Variants in ANKRD36 observed in about 807,000 individuals in gnomAD.
ANKRD36 encodes the protein ankyrin repeat domain-containing protein 36A.
Under a neutral mutation model 278.1 loss-of-function variants are expected in ANKRD36, and 179 were observed. The observed-to-expected ratio is 0.64, with a 90% CI of 0.57 to 0.73. ANKRD36 has a LOEUF of 0.73. ANKRD36 is among the 30% of genes least tolerant of loss of function. ANKRD36 has a pLI of 0.00. For missense variants in ANKRD36, 1,159 were observed against 1,956.7 expected (o/e 0.59, Z 7.69); for synonymous variants, 320 against 641.1 (o/e 0.50, Z 7.57).
At chr2:97,136,144 C>T (rs557282825) in intron 6 of ANKRD36, among the ~76,000 whole-genome samples, 35 of 149,402 alleles carry the variant, frequency 2.3e-4, no homozygotes, top group African/African-American at 8.6e-4. Context: ...TTCAATTAAT[C>T]AGTCATGCCT....
intron 42 of ANKRD36, among the ~76,000 whole-genome samples, chr2:97,197,647 T>C (rs1222636947): frequency 6.6e-6 from 1 of 151,934 alleles, no homozygotes; most frequent in Non-Finnish European, 1.5e-5. Context: ...TGCATTGTAA[T>C]TAACTCCTAA....
intron 20 of ANKRD36, among the ~76,000 whole-genome samples, chr2:97,166,745 C>A (rs1031073287): frequency 1.3e-5 from 2 of 152,294 alleles, no homozygotes; most frequent in African/African-American, 4.8e-5. Context: ...GGACTCAATT[C>A]TTCTCTCTGT....
In ANKRD36 at chr2:97,209,797, C is replaced by T. The variant is rs1233377429; in HGVS notation, c.3295-3C>T. 1.2e-6 allele frequency: 2 copies of T among 1,600,650 alleles called. No individual in the cohort carries two copies. Among genetic ancestry groups the T allele is most frequent in the African/African-American group, 2.7e-5 (2 of 73,408 alleles). The stretch of plus-strand genomic sequence containing the variant: ...TTATTATTTCATTTCAAATTCCATT[C>T]AGGCTACAAGTGACGAGAAAGATTC... On this transcript the variant is annotated splice_polypyrimidine_tract_variant and splice_region_variant and intron_variant, in intron 55 of 75. Transcript: ENST00000420699.
chr2:97,146,580 G>T lies in ANKRD36; in HGVS notation c.1034+64G>T, dbSNP rs1303269352. On this transcript the variant is annotated intron_variant, in intron 11 of 75. Coordinates refer to ENST00000420699, the MANE Select transcript of ANKRD36 (RefSeq NM_001354587.1). ...TAGTTAATAGAGAGAATAGAAACTA[G>T]TATCCATTTAGTGTTCTCCTCTGTG... is the stretch of plus-strand genomic sequence containing the variant. 3 of 1,399,540 alleles carry T rather than the reference G, an allele frequency of 2.1e-6. No homozygotes were observed. The African/African-American group carries it at 4.4e-5, about 20-fold the overall frequency. The allele number at this position is 1,399,540 out of a possible 1,614,324, so 86.7% of individuals were successfully genotyped here.
intron 54 of ANKRD36, among the ~76,000 whole-genome samples, chr2:97,208,651 C>G (rs1243506921): frequency 1.4e-5 from 2 of 146,454 alleles, no homozygotes; most frequent in African/African-American, 2.7e-5. Flanking sequence ...CACACTGACC[C>G]ATTACTCCTC....
chr2:97,208,023 A>T lies in ANKRD36; in HGVS notation c.3265+17A>T, dbSNP rs1558792891. 1 of 1,506,518 alleles carries T rather than the reference A, an allele frequency of 6.6e-7. No individual in the cohort carries two copies. Among genetic ancestry groups the T allele is most frequent in the Non-Finnish European group, 8.9e-7 (1 of 1,120,486 alleles). The allele number at this position is 1,506,518 out of a possible 1,614,324, so 93.3% of individuals were successfully genotyped here. ...CTAAGAGAGGTAATTTTGAAAAGAG[A>T]TTTAATGTCATGTTCAGTGCAGATA... On this transcript the variant is annotated intron_variant, in intron 54 of 75. Coordinates refer to ENST00000420699, the MANE Select transcript of ANKRD36 (RefSeq NM_001354587.1).
chr2:97,222,714 T>C (rs1371236830), intron 66 of ANKRD36, among the ~76,000 whole-genome samples: 1 of 152,130 alleles, frequency 6.6e-6, no homozygotes. Flanking sequence ...ATAGAAATTA[T>C]ACATGTAAGG....
intron 38 of ANKRD36, among the ~76,000 whole-genome samples, chr2:97,194,401 G>A (rs2153574271): frequency 6.6e-6 from 1 of 151,784 alleles, no homozygotes; most frequent in Non-Finnish European, 1.5e-5. Context: ...ATTCTCAGGT[G>A]TGTGAGTTGC....
At chr2:97,242,014 G>A (rs200282647) in intron 69 of ANKRD36, among the ~76,000 whole-genome samples, 167 of 133,570 alleles carry the variant, frequency 1.3e-3, no homozygotes, top group Non-Finnish European at 1.9e-3. Flanking sequence ...ATTATCAGCC[G>A]GGTGCAGTGG....
At chr2:97,231,529 C>A (rs1168586182) in intron 67 of ANKRD36, among the ~76,000 whole-genome samples, 2 of 152,150 alleles carry the variant, frequency 1.3e-5, no homozygotes, top group Non-Finnish European at 2.9e-5. Context: ...TTTCCAGGTG[C>A]TGTCTGTCAC....
intron 17 of ANKRD36, among the ~76,000 whole-genome samples, chr2:97,159,993 C>T (rs199833228): frequency 0.042 from 5,399 of 128,618 alleles, no homozygotes; most frequent in South Asian, 0.093. Flanking sequence ...CTGTGTTAGC[C>T]AGGATGGTCT....
chr2:97,181,230 G>T (rs1418325476), intron 24 of ANKRD36, among the ~76,000 whole-genome samples: 3 of 151,582 alleles, frequency 2.0e-5, no homozygotes, highest in Non-Finnish European at 4.4e-5. Context: ...CTGATTTCTT[G>T]CAAGAAAGAC....
intron 10 of ANKRD36, 71 bp downstream of exon 10, chr2:97,144,783 G>T: frequency 6.6e-7 from 1 of 1,506,172 alleles, no homozygotes; most frequent in Non-Finnish European, 8.9e-7. Context: ...AAATAAATCA[G>T]CAGGGGGCTC....
At chr2:97,205,833 T>C (rs1289839514) in intron 50 of ANKRD36, 107 bp from the exon 51 acceptor site, 12 of 1,389,156 alleles carry the variant, frequency 8.6e-6, no homozygotes, top group Non-Finnish European at 9.9e-6. Context: ...TCAAAGCCTA[T>C]GCTAATACAG....
chr2:97,159,182 G>A (rs886203852), intron 17 of ANKRD36, among the ~76,000 whole-genome samples: 1 of 151,904 alleles, frequency 6.6e-6, no homozygotes, highest in Non-Finnish European at 1.5e-5. Flanking sequence ...CCAAGTAATT[G>A]AAAAATTCTC....
chr2:97,198,322 T>A, intron 42 of ANKRD36, 141 bp from the exon 43 acceptor site: 2 of 1,501,324 alleles, frequency 1.3e-6, no homozygotes, highest in Non-Finnish European at 1.8e-6. Flanking sequence ...CACGTTCTAG[T>A]CCCCAGACAC....
At chr2:97,146,429 A>T in intron 10 of ANKRD36, 57 bp from the exon 11 acceptor site, 1 of 1,365,170 alleles carries the variant, frequency 7.3e-7, no homozygotes, top group South Asian at 1.4e-5. Flanking sequence ...TTATGTTTTT[A>T]ATATTTTATA....
chr2:97,222,527 A>G (rs1361634284), intron 66 of ANKRD36, among the ~76,000 whole-genome samples: 3 of 152,132 alleles, frequency 2.0e-5, no homozygotes, highest in Non-Finnish European at 4.4e-5. Context: ...ATTTTAACTG[A>G]GGTGAGACGA....
In ANKRD36 at chr2:97,187,420, T is replaced by G; in HGVS notation, c.2143+19T>G. 4 of 1,578,092 alleles carry G rather than the reference T, an allele frequency of 2.5e-6. No individual in the cohort carries two copies. The highest frequency in any genetic ancestry group is 3.4e-6 in the Non-Finnish European group (4 of 1,162,308). ...GGGACAGGTAATTTTGCAAAACACA[T>G]TCAATGTCATGTTCAATCCAGATAG... On this transcript the variant is annotated intron_variant, in intron 32 of 75. Coordinates refer to ENST00000420699, the MANE Select transcript of ANKRD36 (RefSeq NM_001354587.1).
Sources: gnomAD v4.1 joint callset for allele counts (sites outside exome capture counted in the v4.1 genomes callset) on GRCh38, gnomAD v4.1.1 for gene constraint, MANE v1.5 for transcripts, NCBI Gene and HGNC (gene_info 2026-07-23, HGNC 2026-07-21) for gene names.